MYH15: variants seen among roughly 807,000 people sequenced by gnomAD.
MYH15 encodes the protein myosin-15.
MYH15 carries 227 observed loss-of-function variants against 240.5 expected under a neutral mutation model. The ratio of observed to expected loss-of-function variants is 0.94; its 90% confidence interval spans 0.85 to 1.05. The LOEUF (loss-of-function observed/expected upper bound fraction) is 1.05, where lower values mean the gene tolerates loss of function less well. MYH15 is among the 50% of genes least tolerant of loss of function. The probability of loss-of-function intolerance (pLI) is 0.00; values close to 1 mark genes in which losing one functional copy is unlikely to be tolerated. For missense variants in MYH15, 2,217 were observed against 2,247.5 expected (o/e 0.99, Z 0.27); for synonymous variants, 785 against 796.7 (o/e 0.99, Z 0.25).
intron 27 of MYH15, among the ~76,000 whole-genome samples, chr3:108,424,027 G>T (rs949191744): frequency 2.6e-5 from 4 of 152,226 alleles, no homozygotes; most frequent in African/African-American, 9.6e-5. Flanking sequence ...ACATATCCAG[G>T]TGTGAAAAAT....
intron 18 of MYH15, among the ~76,000 whole-genome samples, chr3:108,459,102 C>T (rs1453951109): frequency 6.6e-6 from 1 of 152,106 alleles, no homozygotes; most frequent in Admixed American, 6.6e-5. Context: ...GCATAAAATT[C>T]AAGGAAGAAT....
intron 32 of MYH15, 50 bp from the exon 33 acceptor site, chr3:108,405,503 A>G: frequency 2.4e-6 from 3 of 1,239,608 alleles, no homozygotes; most frequent in South Asian, 1.8e-5. Flanking sequence ...TTTAGACAAA[A>G]TTGTATTTTT....
At chr3:108,435,201 T>C (rs1032572040) in intron 25 of MYH15, among the ~76,000 whole-genome samples, 5 of 152,256 alleles carry the variant, frequency 3.3e-5, no homozygotes, top group African/African-American at 9.6e-5. Context: ...ATGTCAAATA[T>C]ATAATGCCTT....
At chr3:108,521,222 G>C (rs994841662) in intron 1 of MYH15, among the ~76,000 whole-genome samples, 22 of 151,940 alleles carry the variant, frequency 1.4e-4, no homozygotes, top group African/African-American at 5.1e-4. Flanking sequence ...CTTTTACTGA[G>C]TGTCTAGGTG....
At chr3:108,427,883 T>C (rs1272727228) in intron 27 of MYH15, among the ~76,000 whole-genome samples, 1 of 152,220 alleles carries the variant, frequency 6.6e-6, no homozygotes, top group Non-Finnish European at 1.5e-5. Flanking sequence ...CTCTGCTTAA[T>C]CTAAAGCAAA....
chr3:108,443,444 G>T (rs1286520109), intron 22 of MYH15, among the ~76,000 whole-genome samples: 1 of 152,082 alleles, frequency 6.6e-6, no homozygotes, highest in Non-Finnish European at 1.5e-5. Flanking sequence ...AAAAACTGTT[G>T]TTTCTTGTTT....
At chr3:108,457,832 G>C (rs1188627246) in intron 18 of MYH15, among the ~76,000 whole-genome samples, 1 of 152,098 alleles carries the variant, frequency 6.6e-6, no homozygotes, top group South Asian at 2.1e-4. Flanking sequence ...CCAGGAGTTC[G>C]AGACCAGCCT....
intron 35 of MYH15, among the ~76,000 whole-genome samples, chr3:108,398,405 C>T (rs776616927): frequency 3.3e-5 from 5 of 152,184 alleles, no homozygotes; most frequent in Non-Finnish European, 5.9e-5. Flanking sequence ...TCCAGGAATG[C>T]GAGAAAATAA....
At chr3:108,390,969 A>C (rs551810798) in intron 37 of MYH15, among the ~76,000 whole-genome samples, 3 of 152,268 alleles carry the variant, frequency 2.0e-5, no homozygotes, top group Admixed American at 2.0e-4. Flanking sequence ...AATATAAGCA[A>C]ATGTGTACAC....
At chr3:108,486,593 C>A in intron 9 of MYH15, 67 bp from the exon 10 acceptor site, 3 of 1,068,956 alleles carry the variant, frequency 2.8e-6, no homozygotes, top group South Asian at 2.9e-5. Context: ...AATAATTGGT[C>A]AATATTCGCA....
rs1374753275 is a variant in MYH15, at chr3:108,414,356, C to T, written c.4021G>A (p.Glu1341Lys). ...AGCTCAGCCTTGACCTCTTGTTCTT[C>T]CTCATACTGCTCTCGTAGAAGGTCA... ...DCDLLREQYE[E>K]EQEVKAELHR... The change falls in exon 30 of 41, where the codon GAA becomes AAA. Residue 1341 changes from glutamate (E) to lysine (K), a missense_variant. Physicochemically the swap from Glu to Lys is moderately conservative, Grantham distance 56. Coordinates refer to ENST00000693548, the MANE Select transcript of MYH15 (RefSeq NM_014981.3). 6 of 1,614,064 alleles carry T rather than the reference C, an allele frequency of 3.7e-6. No homozygotes were observed. Among genetic ancestry groups the T allele is most frequent in the African/African-American group, 1.3e-5 (1 of 74,916 alleles).
At chr3:108,451,290 T>C (rs900940360) in intron 21 of MYH15, among the ~76,000 whole-genome samples, 1 of 151,922 alleles carries the variant, frequency 6.6e-6, no homozygotes, top group African/African-American at 2.4e-5. Flanking sequence ...TGAAGCACAA[T>C]AATCACTTGA....
chr3:108,490,156 C>G (rs2083335884), intron 9 of MYH15, among the ~76,000 whole-genome samples: 1 of 152,158 alleles, frequency 6.6e-6, no homozygotes, highest in Non-Finnish European at 1.5e-5. Context: ...AAAAAAAATC[C>G]TGTTCCAGGT....
In MYH15 at chr3:108,463,198, G is replaced by A. The variant is rs1318905301; in HGVS notation, c.1777C>T (p.Leu593Phe). 8 of 1,613,084 alleles carry A rather than the reference G, an allele frequency of 5.0e-6. No individual in the cohort carries two copies. The East Asian group carries it at 1.8e-4, about 36-fold the overall frequency. ...SGWLEKNKDL[L>F]NETVVAVFQK... ...AATACAGCTACCACTGTTTCATTAA[G>A]GAGGTCTTTGTTCTTTTCCAGCCAA... The change falls in exon 16 of 41, where the codon CTT (leucine) becomes TTT (phenylalanine). Residue 593 changes from leucine (L) to phenylalanine (F), a missense_variant. Leu to Phe is a conservative substitution (Grantham distance 22). Coordinates refer to ENST00000693548, the MANE Select transcript of MYH15 (RefSeq NM_014981.3).
At chr3:108,456,045 A>G (rs148802425) in intron 19 of MYH15, among the ~76,000 whole-genome samples, 186 bp from the exon 20 acceptor site, 7 of 152,316 alleles carry the variant, frequency 4.6e-5, no homozygotes, top group Non-Finnish European at 1.0e-4. Context: ...TTGGTATAAT[A>G]GTTTGTACTT....
intron 16 of MYH15, 116 bp from the exon 17 acceptor site, chr3:108,460,483 A>G (rs2083063184): frequency 1.6e-6 from 1 of 627,454 alleles, no homozygotes; most frequent in South Asian, 3.7e-5. Flanking sequence ...CAATATGGCA[A>G]TATCTACCAA....
intron 24 of MYH15, 40 bp from the exon 25 acceptor site, chr3:108,437,739 G>C: frequency 6.3e-7 from 1 of 1,588,846 alleles, no homozygotes; most frequent in Non-Finnish European, 8.5e-7. Context: ...TAAATAGGTA[G>C]AGTTTATACT....
At chr3:108,530,218 C>A (rs1481007744), upstream of MYH15, among the ~76,000 whole-genome samples, 1 of 152,134 alleles carries the variant, frequency 6.6e-6, no homozygotes, top group Non-Finnish European at 1.5e-5. Flanking sequence ...GAATCAGTTT[C>A]TAAGTAACTT....
chr3:108,400,233 T>C (rs969765311), intron 33 of MYH15, among the ~76,000 whole-genome samples: 2 of 152,192 alleles, frequency 1.3e-5, no homozygotes, highest in Non-Finnish European at 2.9e-5. Context: ...ATTGACCGAC[T>C]CTTCATCCTA....
Sources: gnomAD v4.1 joint callset for allele counts (sites outside exome capture counted in the v4.1 genomes callset) on GRCh38, gnomAD v4.1.1 for gene constraint, MANE v1.5 for transcripts, NCBI Gene and HGNC (gene_info 2026-07-23, HGNC 2026-07-21) for gene names.